Variants in DOCK1 observed in about 807,000 individuals in gnomAD.
The protein encoded by DOCK1 is dedicator of cytokinesis 1, also known as dedicator of cytokinesis protein 1.
In DOCK1, 138 loss-of-function variants were observed where a neutral mutation model predicts 262.7. The ratio of observed to expected loss-of-function variants is 0.53; its 90% CI spans 0.46 to 0.61. DOCK1 has a LOEUF of 0.61. Ranked by LOEUF, DOCK1 falls within the 20% of genes least tolerant of loss-of-function variation. DOCK1 has a pLI of 0.00. For synonymous variants in DOCK1, 866 were observed against 867.4 expected (o/e 1.00, Z 0.03); for missense variants, 1,908 against 2,370.7 (o/e 0.80, Z 4.05).
rs538387498 is a variant in DOCK1, at chr10:126,921,715, C to T, written c.46+16152C>T. ...TTCCCCAGGCTGGAGTGCAGTGGCG[C>T]GATCTCAACTCACTGCAGCCTCCAC... On this transcript the variant is annotated intron_variant, in intron 1 of 51. Transcript: ENST00000623213. Among the ~76,000 whole-genome samples, 8 of 152,170 alleles carry T rather than the reference C, an allele frequency of 5.3e-5. No individual in the cohort carries two copies. In the East Asian group the frequency reaches 1.4e-3, roughly 26 times the overall value.
At chr10:127,053,702 G>A (rs2044917841) in intron 22 of DOCK1, among the ~76,000 whole-genome samples, 1 of 152,192 alleles carries the variant, frequency 6.6e-6, no homozygotes, top group South Asian at 2.1e-4. Flanking sequence ...CATAAATTGG[G>A]ATATTTATGG....
intron 1 of DOCK1, among the ~76,000 whole-genome samples, chr10:126,936,624 T>A (rs1216604929): frequency 1.3e-5 from 2 of 152,156 alleles, no homozygotes; most frequent in African/African-American, 4.8e-5. Context: ...TGGTATTGGT[T>A]CAAAGTATTT....
chr10:126,971,505 A>G (rs926615684), intron 2 of DOCK1, among the ~76,000 whole-genome samples: 1 of 151,648 alleles, frequency 6.6e-6, no homozygotes, highest in Non-Finnish European at 1.5e-5. Context: ...CAGCCTCCCC[A>G]TCTTGGGCTC....
At chr10:127,113,390 C>A (rs2048985129) in intron 25 of DOCK1, among the ~76,000 whole-genome samples, 1 of 152,186 alleles carries the variant, frequency 6.6e-6, no homozygotes, top group Admixed American at 6.5e-5. Context: ...CAAGTCTTTG[C>A]TTCTCAGCTT....
intron 19 of DOCK1, among the ~76,000 whole-genome samples, chr10:127,038,357 C>T (rs199783819): frequency 1.3e-5 from 2 of 152,172 alleles, no homozygotes; most frequent in East Asian, 3.9e-4. Context: ...TCAACCTCAT[C>T]GTGGGTTCTG....
intron 27 of DOCK1, among the ~76,000 whole-genome samples, chr10:127,129,599 C>G (rs2050182314): frequency 6.6e-6 from 1 of 152,194 alleles, no homozygotes; most frequent in South Asian, 2.1e-4. Context: ...GCGTTGACCC[C>G]TGATGTCCAG....
chr10:127,210,824 C>G (rs1471679126), intron 27 of DOCK1, among the ~76,000 whole-genome samples: 2 of 152,194 alleles, frequency 1.3e-5, no homozygotes, highest in Admixed American at 6.5e-5. Context: ...CTAGGTGTCA[C>G]TGAATTTCTC....
chr10:127,096,343 A>G (rs1227305922), intron 23 of DOCK1, among the ~76,000 whole-genome samples: 2 of 152,238 alleles, frequency 1.3e-5, no homozygotes, highest in East Asian at 1.9e-4. Flanking sequence ...ATTTTCCCCT[A>G]TCAAGTTTAT....
chr10:127,369,600 C>T (rs186495218), intron 33 of DOCK1, among the ~76,000 whole-genome samples: 5 of 152,312 alleles, frequency 3.3e-5, no homozygotes, highest in Admixed American at 3.3e-4. Flanking sequence ...CATAAGGAGC[C>T]GCTGCACCTG....
chr10:126,953,769 T>C (rs1190706324), intron 1 of DOCK1, among the ~76,000 whole-genome samples: 1 of 152,062 alleles, frequency 6.6e-6, no homozygotes, highest in Non-Finnish European at 1.5e-5. Context: ...GTGTGGCTGC[T>C]CAGTGGTCAG....
chr10:127,230,588 T>C (rs1398372125), intron 27 of DOCK1, among the ~76,000 whole-genome samples: 1 of 133,616 alleles, frequency 7.5e-6, no homozygotes, highest in Non-Finnish European at 1.7e-5. Flanking sequence ...TGTGGATTTA[T>C]TTCCAGGCTC....
intron 27 of DOCK1, among the ~76,000 whole-genome samples, chr10:127,156,138 C>A (rs1213369625): frequency 6.6e-6 from 1 of 152,178 alleles, no homozygotes; most frequent in Non-Finnish European, 1.5e-5. Flanking sequence ...CCCTAAACCT[C>A]AGGGGAAATG....
At chr10:127,144,843 G>A (rs903775286) in intron 27 of DOCK1, among the ~76,000 whole-genome samples, 1 of 152,122 alleles carries the variant, frequency 6.6e-6, no homozygotes, top group Non-Finnish European at 1.5e-5. Flanking sequence ...TATCACTGTA[G>A]GGCTTCAAAT....
intron 27 of DOCK1, among the ~76,000 whole-genome samples, chr10:127,174,515 C>A (rs146958820): frequency 5.3e-5 from 8 of 152,262 alleles, no homozygotes; most frequent in African/African-American, 1.7e-4. Flanking sequence ...GCAAGATGGT[C>A]TTATCAACGC....
intron 1 of DOCK1, among the ~76,000 whole-genome samples, chr10:126,939,857 C>T (rs964282556): frequency 7.2e-5 from 11 of 152,276 alleles, no homozygotes; most frequent in South Asian, 4.1e-4. Flanking sequence ...GTCCCTCTCT[C>T]GGCAGCTGTA....
At chr10:127,101,017 GGAGA>G (rs955267219) in intron 23 of DOCK1, among the ~76,000 whole-genome samples, 1 of 152,058 alleles carries the variant, frequency 6.6e-6, no homozygotes, top group Non-Finnish European at 1.5e-5. Context: ...AAGGCTCTGA[GGAGA>G]GAGAGAGGAC....
At chr10:127,412,120 G>A (rs1193691413) in intron 43 of DOCK1, among the ~76,000 whole-genome samples, 12 of 151,654 alleles carry the variant, frequency 7.9e-5, no homozygotes, top group African/African-American at 1.9e-4. Context: ...CCGCCACTAC[G>A]CCCGGCTAAT....
chr10:127,220,808 A>C (rs536022027), intron 27 of DOCK1, among the ~76,000 whole-genome samples: 1 of 151,664 alleles, frequency 6.6e-6, no homozygotes, highest in African/African-American at 2.4e-5. Context: ...CTCTGTTTTT[A>C]AGTTGTTCTC....
rs555861157 is a variant in DOCK1, at chr10:127,417,791, G to A, written c.4516-574G>A. On this transcript the variant is annotated intron_variant, in intron 44 of 51. Transcript: ENST00000623213. ...AGGTTTTGCTATGTTGGCCAGGCTG[G>A]TCTTGAACTCCTGACCTCAGGTGAC... is the stretch of plus-strand genomic sequence containing the variant. 7.2e-5 allele frequency among the ~76,000 whole-genome samples: 11 copies of A among 152,178 alleles called. No homozygotes were observed. The South Asian group carries it at 2.3e-3, about 32-fold the overall frequency.
Sources: gnomAD v4.1 joint callset for allele counts (sites outside exome capture counted in the v4.1 genomes callset) on GRCh38, gnomAD v4.1.1 for gene constraint, MANE v1.5 for transcripts, NCBI Gene and HGNC (gene_info 2026-07-23, HGNC 2026-07-21) for gene names.